IGSF10: variants seen among roughly 807,000 people sequenced by gnomAD.
IGSF10 encodes immunoglobulin superfamily member 10.
IGSF10 carries 126 observed loss-of-function variants against 128.2 expected under a neutral mutation model. The ratio of observed to expected loss-of-function variants is 0.98; its 90% CI spans 0.85 to 1.14. The LOEUF is 1.14. IGSF10 is among the 50% of genes most tolerant of loss of function. The pLI, the probability that IGSF10 is intolerant of heterozygous loss-of-function variation, is 0.00. For synonymous variants in IGSF10, 1,185 were observed against 1,146.2 expected, an observed-to-expected ratio of 1.03 and a Z score of -0.68; for missense variants, 3,295 against 3,149.8, an observed-to-expected ratio of 1.05 and a Z score of -1.10.
At chr3:151,534,053 A>C in the IGSF10 span, among the ~76,000 whole-genome samples, 1 of 152,276 alleles carries the variant, frequency 6.6e-6, no homozygotes, top group Non-Finnish European at 1.5e-5. Flanking sequence ...AACATATGAA[A>C]AAAATCTCAT....
At chr3:151,567,596 T>G in the IGSF10 span, among the ~76,000 whole-genome samples, 1 of 152,120 alleles carries the variant, frequency 6.6e-6, no homozygotes, top group East Asian at 1.9e-4. Context: ...AGGGTCTCTT[T>G]TATATGCAAA....
chr3:151,575,020 A>G, the IGSF10 span, among the ~76,000 whole-genome samples: 1 of 152,006 alleles, frequency 6.6e-6, no homozygotes, highest in South Asian at 2.1e-4. Flanking sequence ...TCCACTCAAG[A>G]CCCTGTTTGC....
chr3:151,549,462 C>G, the IGSF10 span, among the ~76,000 whole-genome samples: 7 of 152,278 alleles, frequency 4.6e-5, no homozygotes, highest in Non-Finnish European at 8.8e-5. Flanking sequence ...CTATCTTCTT[C>G]TTTATATCCA....
the IGSF10 span, among the ~76,000 whole-genome samples, chr3:151,556,440 G>T: frequency 2.0e-5 from 3 of 152,272 alleles, no homozygotes; most frequent in African/African-American, 7.2e-5. Flanking sequence ...TAAGGAAAAG[G>T]TTATGTTATG....
the IGSF10 span, among the ~76,000 whole-genome samples, chr3:151,484,181 T>C: frequency 1.3e-5 from 2 of 152,214 alleles, no homozygotes; most frequent in African/African-American, 4.8e-5. Context: ...ACAAAGCCGC[T>C]TGGAAGTTTG....
chr3:151,492,246 G>C, the IGSF10 span, among the ~76,000 whole-genome samples: 2 of 152,046 alleles, frequency 1.3e-5, no homozygotes, highest in Admixed American at 6.5e-5. Flanking sequence ...ATGGCCAACA[G>C]GTATATAAAG....
the IGSF10 span, among the ~76,000 whole-genome samples, chr3:151,612,489 T>C: frequency 1.3e-5 from 2 of 152,156 alleles, no homozygotes; most frequent in Non-Finnish European, 2.9e-5. Flanking sequence ...TGTATAATTG[T>C]TTCCCTTCAA....
the IGSF10 span, among the ~76,000 whole-genome samples, chr3:151,587,036 T>C: frequency 6.6e-6 from 1 of 152,178 alleles, no homozygotes; most frequent in Non-Finnish European, 1.5e-5. Flanking sequence ...TGATATCCTG[T>C]TTTATAGCAT....
At chr3:151,519,510 A>T in the IGSF10 span, among the ~76,000 whole-genome samples, 1 of 151,818 alleles carries the variant, frequency 6.6e-6, no homozygotes, top group South Asian at 2.1e-4. Context: ...GGGATATATT[A>T]ATATGACTGG....
chr3:151,435,102 C>CTT (rs1011993084), downstream of IGSF10: 1 of 77,320 alleles, frequency 1.3e-5, no homozygotes, highest in African/African-American at 4.8e-5. Flanking sequence ...CAAATGCATT[C>CTT]TTTTGCATTA....
chr3:151,578,960 C>A, the IGSF10 span, among the ~76,000 whole-genome samples: 1 of 152,112 alleles, frequency 6.6e-6, no homozygotes, highest in Non-Finnish European at 1.5e-5. Context: ...ACTACTACCA[C>A]GCTAGCTAGC....
At chr3:151,550,032 T>C in the IGSF10 span, among the ~76,000 whole-genome samples, 2 of 152,142 alleles carry the variant, frequency 1.3e-5, no homozygotes, top group African/African-American at 4.8e-5. Flanking sequence ...TGGAAATATT[T>C]GGGCTGAGAA....
the IGSF10 span, among the ~76,000 whole-genome samples, chr3:151,609,198 C>T: frequency 6.6e-6 from 1 of 152,044 alleles, no homozygotes; most frequent in Non-Finnish European, 1.5e-5. Flanking sequence ...AGCAAAGGAC[C>T]TGAGGTGGAA....
the IGSF10 span, among the ~76,000 whole-genome samples, chr3:151,506,767 G>C: frequency 3.3e-5 from 5 of 151,978 alleles, no homozygotes; most frequent in East Asian, 1.9e-4. Flanking sequence ...TTATTGCCTA[G>C]TTAACAATTT....
At position 151,438,865 on chromosome 3, in the gene IGSF10, T is replaced by TATAG. The variant is rs1553829232; in HGVS notation, c.5964-269_5964-268insCTAT. Reference sequence around the variant, plus strand: ...ATACATTTTGAGGTATATATATATATAGAGAGAGAGAAATGACCACGATTA... The same window carrying TATAG: ...ATACATTTTGAGGTATATATATATATATAGAGAGAGAGAGAAATGACCACGATTA... On this transcript the variant is annotated intron_variant, in intron 7 of 7. Transcript: ENST00000282466. Among the ~76,000 whole-genome samples, 377 of 150,562 alleles carry TATAG rather than the reference T, an allele frequency of 2.5e-3. 3 individuals carry two copies. Among genetic ancestry groups the TATAG allele is most frequent in the Admixed American group, 7.3e-3 (110 of 15,148 alleles).
chr3:151,573,394 T>G, the IGSF10 span, among the ~76,000 whole-genome samples: 1 of 152,236 alleles, frequency 6.6e-6, no homozygotes, highest in African/African-American at 2.4e-5. Context: ...AGGTCTTGCT[T>G]TATGAATCTG....
Position 151,443,748 on chromosome 3 carries a change from G to T in IGSF10, c.5199C>A (p.His1733Gln), listed in dbSNP as rs1438778409. 1 of 1,614,170 alleles carries T rather than the reference G, an allele frequency of 6.2e-7. No homozygotes were observed. The highest frequency in any genetic ancestry group is 8.5e-7 in the Non-Finnish European group (1 of 1,180,038). The change falls in exon 7 of 8, where the codon CAC (histidine) becomes CAA (glutamine). Residue 1733 changes from histidine to glutamine, a missense_variant. By Grantham distance (24) the His-to-Gln change is conservative. Transcript: ENST00000282466. ...AAACCACAGACAAGGTGACATGAAG[G>T]TGGTCTGTGCCAAACAGATTGGATG... is the stretch of plus-strand genomic sequence containing the variant. ...CSASNLFGTD[H>Q]LHVTLSVVSY...
At chr3:151,449,306 T>G in intron 5 of IGSF10, 41 bp from the exon 6 acceptor site, 1 of 1,481,732 alleles carries the variant, frequency 6.7e-7, no homozygotes, top group Non-Finnish European at 9.0e-7. Flanking sequence ...TGTGACCTCT[T>G]TATGAATTGA....
the IGSF10 span, among the ~76,000 whole-genome samples, chr3:151,533,345 C>G: frequency 6.6e-6 from 1 of 152,142 alleles, no homozygotes; most frequent in African/African-American, 2.4e-5. Context: ...AAAGAGCCCA[C>G]ATAGCCAAGA....
Sources: allele counts gnomAD v4.1 joint callset (sites outside exome capture counted in the v4.1 genomes callset), GRCh38; gene constraint gnomAD v4.1.1; transcripts MANE v1.5; gene names NCBI Gene and HGNC (gene_info 2026-07-23, HGNC 2026-07-21).